Variants in COL26A1 observed in about 807,000 individuals in gnomAD.
COL26A1 encodes the protein collagen type XXVI alpha 1 chain.
Under a neutral mutation model 59.3 loss-of-function variants are expected in COL26A1, and 41 were observed. That is an observed-to-expected ratio of 0.69 (90% CI 0.54 to 0.90). The LOEUF (loss-of-function observed/expected upper bound fraction) is 0.90, where lower values mean the gene tolerates loss of function less well. Among genes scored for constraint, COL26A1 ranks in the 40% least tolerant of loss-of-function variants. The pLI is 0.00. For missense variants in COL26A1, 612 were observed against 602.3 expected, an observed-to-expected ratio of 1.02 and a Z score of -0.17; for synonymous variants, 266 against 256.0, an observed-to-expected ratio of 1.04 and a Z score of -0.37.
At chr7:101,379,008 C>T (rs1791386814) in intron 1 of COL26A1, among the ~76,000 whole-genome samples, 1 of 152,162 alleles carries the variant, frequency 6.6e-6, no homozygotes, top group Non-Finnish European at 1.5e-5. Context: ...GTTACGAAGC[C>T]TTTGAGAGAA....
intron 2 of COL26A1, among the ~76,000 whole-genome samples, chr7:101,420,836 C>T (rs1473506914): frequency 1.3e-5 from 2 of 151,904 alleles, no homozygotes; most frequent in Admixed American, 1.3e-4. Flanking sequence ...CTTCAGCATC[C>T]GCAGAGAGAT....
chr7:101,363,046 T>C lies in COL26A1; in HGVS notation c.14T>C (p.Leu5Pro), dbSNP rs1312171242. The C allele has an allele frequency of 6.3e-7, 1 of 1,580,738 alleles. No individual in the cohort carries two copies. The highest frequency in any genetic ancestry group is 1.4e-5 in the African/African-American group (1 of 73,084). ...CTGCTGCGCACGATGAAGCTGGCCC[T>C]GCTCCTGCCCTGGGCGTGTTGCTGC... The part of the protein sequence containing the change: MKLA[L>P]LLPWACCCLC... The change falls in exon 1 of 13, where the codon CTG becomes CCG. Residue 5 changes from leucine (L) to proline (P), a missense_variant. Physicochemically the swap from Leu to Pro is moderately conservative, Grantham distance 98. Coordinates refer to ENST00000313669, the MANE Select transcript of COL26A1 (RefSeq NM_001278563.3).
At chr7:101,503,034 AC>A (rs1376565049) in intron 3 of COL26A1, among the ~76,000 whole-genome samples, 1 of 152,006 alleles carries the variant, frequency 6.6e-6, no homozygotes, top group Non-Finnish European at 1.5e-5. Flanking sequence ...TGCCCCCAGA[AC>A]CTTCTCCAGC....
chr7:101,464,850 T>C (rs1252578340), intron 3 of COL26A1, among the ~76,000 whole-genome samples: 1 of 151,996 alleles, frequency 6.6e-6, no homozygotes, highest in African/African-American at 2.4e-5. Context: ...TAGGCGGGAC[T>C]ACAGGTACAC....
chr7:101,420,704 C>CCTCACCATCCCCTCCCT (rs1792495722), intron 2 of COL26A1, among the ~76,000 whole-genome samples: 2 of 69,924 alleles, frequency 2.9e-5, no homozygotes. Flanking sequence ...CAGCCACACC[C>CCTCACCATCCCCTCCCT]CTCACCAGCC....
rs555257598 is a variant in COL26A1, at chr7:101,438,309, C to T, written c.282-9375C>T. ...CTGGAAGGTGGAGGCTGCAGTGAGC[C>T]GAGATTGTGCCATTGCACTCCAGCC... is the stretch of plus-strand genomic sequence containing the variant. On this transcript the variant is annotated intron_variant, in intron 2 of 12. Transcript: ENST00000313669. 9.2e-5 allele frequency among the ~76,000 whole-genome samples: 14 copies of T among 151,402 alleles called. 1 individual carries two copies. The highest frequency in any genetic ancestry group is 8.6e-4 in the Admixed American group (13 of 15,148).
chr7:101,549,260 C>CGGCGGGT, intron 9 of COL26A1, 37 bp downstream of exon 9: 1 of 1,481,088 alleles, frequency 6.8e-7, no homozygotes, highest in Non-Finnish European at 9.3e-7. Context: ...GTGTGGGAGG[C>CGGCGGGT]GGCGGGTGGC....
At chr7:101,522,821 TAA>T (rs34459389) in intron 3 of COL26A1, among the ~76,000 whole-genome samples, 97 of 144,618 alleles carry the variant, frequency 6.7e-4, no homozygotes, top group Middle Eastern at 3.5e-3. Flanking sequence ...AATACTTGGT[TAA>T]AAAAAAAAAA....
intron 1 of COL26A1, among the ~76,000 whole-genome samples, chr7:101,390,165 T>G (rs1197482717): frequency 1.4e-5 from 2 of 142,880 alleles, no homozygotes; most frequent in East Asian, 2.0e-4. Flanking sequence ...TTTTTTTTTT[T>G]TTTTTTTTTT....
At chr7:101,550,641 T>TG (rs970564259) in intron 9 of COL26A1, among the ~76,000 whole-genome samples, 1 of 147,732 alleles carries the variant, frequency 6.8e-6, no homozygotes, top group Non-Finnish European at 1.5e-5. Context: ...GGCTTCGGGA[T>TG]GGGGGGCACC....
chr7:101,371,436 C>T (rs1791189279), intron 1 of COL26A1, among the ~76,000 whole-genome samples: 1 of 151,826 alleles, frequency 6.6e-6, no homozygotes, highest in Non-Finnish European at 1.5e-5. Flanking sequence ...ATCACTTGAG[C>T]CCAGGAGTTT....
chr7:101,419,407 T>A (rs529447117), intron 1 of COL26A1, among the ~76,000 whole-genome samples: 1 of 152,250 alleles, frequency 6.6e-6, no homozygotes, highest in Admixed American at 6.5e-5. Flanking sequence ...CCACTGTGCC[T>A]GGCCTGGCCA....
chr7:101,442,776 A>C (rs1793090502), intron 2 of COL26A1, among the ~76,000 whole-genome samples: 1 of 152,190 alleles, frequency 6.6e-6, no homozygotes, highest in Admixed American at 6.5e-5. Flanking sequence ...GTGTGTACAT[A>C]ATTGCGTACA....
chr7:101,362,594 A>G (rs901913502), upstream of COL26A1, among the ~76,000 whole-genome samples: 1 of 152,166 alleles, frequency 6.6e-6, no homozygotes, highest in Admixed American at 6.5e-5. Context: ...TCCAGGTGAA[A>G]TTGGCAGACA....
chr7:101,458,785 G>A (rs1793539528), intron 3 of COL26A1, among the ~76,000 whole-genome samples: 1 of 150,498 alleles, frequency 6.6e-6, no homozygotes, highest in Non-Finnish European at 1.5e-5. Flanking sequence ...AGTGGCCAGT[G>A]TAGAACTGAA....
intron 3 of COL26A1, among the ~76,000 whole-genome samples, chr7:101,512,361 G>A (rs549505399): frequency 1.8e-3 from 280 of 152,314 alleles, no homozygotes; most frequent in Middle Eastern, 0.017. Flanking sequence ...GCTCACGCCT[G>A]TAATCCCAGC....
At chr7:101,381,348 A>G (rs1456782670) in intron 1 of COL26A1, among the ~76,000 whole-genome samples, 3 of 151,978 alleles carry the variant, frequency 2.0e-5, no homozygotes, top group Non-Finnish European at 4.4e-5. Context: ...TCTCTCTTGT[A>G]TGGACCTTTT....
Position 101,489,663 on chromosome 7 carries a change from TCCTTCCTTC to T in COL26A1, c.385+41878_385+41886del, listed in dbSNP as rs1225383438. On this transcript the variant is annotated intron_variant, in intron 3 of 12. Coordinates refer to ENST00000313669, the MANE Select transcript of COL26A1 (RefSeq NM_001278563.3). ...TTTCTTTCTTTCTTTCTTTCTTTCT[TCCTTCCTTC>T]CTTCCTTCCTTTCTTTCTTTCTTTC... 7.9e-4 allele frequency among the ~76,000 whole-genome samples: 41 copies of T among 51,750 alleles called. 10 individuals are homozygous for T. Among genetic ancestry groups the T allele is most frequent in the African/African-American group, 7.5e-3 (37 of 4,916 alleles). The allele number at this position is 51,750 out of a possible 152,430, so 34.0% of individuals were successfully genotyped here. A position where few individuals can be genotyped will look rare whatever the true frequency, so the allele number is the denominator to read the frequency against.
chr7:101,443,651 G>C (rs1209492950), intron 2 of COL26A1, among the ~76,000 whole-genome samples: 1 of 152,156 alleles, frequency 6.6e-6, no homozygotes, highest in African/African-American at 2.4e-5. Flanking sequence ...AATAATAAAA[G>C]CTGAATGTGT....
Sources: allele counts gnomAD v4.1 joint callset (sites outside exome capture counted in the v4.1 genomes callset), GRCh38; gene constraint gnomAD v4.1.1; transcripts MANE v1.5; gene names NCBI Gene and HGNC (gene_info 2026-07-23, HGNC 2026-07-21).